CNTNAP3B: variants seen among roughly 807,000 people sequenced by gnomAD.
CNTNAP3B encodes contactin associated protein family member 3B.
Under a neutral mutation model 108.9 loss-of-function variants are expected in CNTNAP3B, and 25 were observed. That is an observed-to-expected ratio of 0.23 (90% CI 0.17 to 0.32). CNTNAP3B has a LOEUF of 0.32. CNTNAP3B is among the 10% of genes least tolerant of loss of function. CNTNAP3B has a pLI of 1.00. For missense variants in CNTNAP3B, 252 were observed against 1,210.4 expected (o/e 0.21, Z 11.75); for synonymous variants, 103 against 473.4 (o/e 0.22, Z 10.16).
In CNTNAP3B at chr9:42,110,725, T is replaced by C. The variant is rs1828178741; in HGVS notation, c.86-5986A>G. Among the ~76,000 whole-genome samples the C allele has an allele frequency of 1.5e-5, 2 of 136,748 alleles. 1 individual carries two copies. The highest frequency in any genetic ancestry group is 5.9e-5 in the African/African-American group (2 of 34,152). The allele number at this position is 136,748 out of a possible 152,430, so 89.7% of individuals were successfully genotyped here. ...TCTTCAGGCCACGTCTGGATGTTCA[T>C]CTGGATACGGCGCTATTCCATTCTT... is the stretch of plus-strand genomic sequence containing the variant. On this transcript the variant is annotated intron_variant, in intron 1 of 23. Transcript: ENST00000377561.
intron 13 of CNTNAP3B, among the ~76,000 whole-genome samples, chr9:41,945,605 G>A (rs1277327175): frequency 2.4e-3 from 357 of 151,892 alleles, no homozygotes; most frequent in East Asian, 6.4e-3. Flanking sequence ...ATCACACACC[G>A]GGGCCTGTCA....
intron 3 of CNTNAP3B, among the ~76,000 whole-genome samples, chr9:42,047,678 CCCTTCCTT>C (rs371573105): frequency 5.2e-5 from 1 of 19,278 alleles, no homozygotes; most frequent in African/African-American, 1.5e-4. Flanking sequence ...GCCCCTTCCT[CCCTTCCTT>C]CCTTCCTTCC....
intron 12 of CNTNAP3B, among the ~76,000 whole-genome samples, chr9:41,956,422 T>C (rs1247482732): frequency 6.6e-6 from 1 of 152,234 alleles, no homozygotes; most frequent in Admixed American, 6.5e-5. Context: ...GTTGTATGGG[T>C]ACTTGAAATA....
chr9:41,963,940 T>A (rs1273230909), intron 11 of CNTNAP3B, among the ~76,000 whole-genome samples: 7 of 152,012 alleles, frequency 4.6e-5, no homozygotes, highest in Middle Eastern at 3.2e-3. Flanking sequence ...AATACATTAA[T>A]ACTTTTACAA....
chr9:41,969,026 G>A (rs1238403207), intron 10 of CNTNAP3B, among the ~76,000 whole-genome samples: 1 of 152,296 alleles, frequency 6.6e-6, no homozygotes, highest in South Asian at 2.1e-4. Flanking sequence ...TCGATCTCCT[G>A]ACCTCGTGAT....
At chr9:41,929,536 T>A in intron 14 of CNTNAP3B, 92 bp from the exon 15 acceptor site, 1 of 1,463,254 alleles carries the variant, frequency 6.8e-7, no homozygotes, top group Non-Finnish European at 9.2e-7. Flanking sequence ...GAAACTAACA[T>A]CATAGAGCTT....
At chr9:41,931,834 T>C (rs1823987721) in intron 14 of CNTNAP3B, among the ~76,000 whole-genome samples, 1 of 144,078 alleles carries the variant, frequency 6.9e-6, no homozygotes, top group Non-Finnish European at 1.5e-5. Flanking sequence ...GAAAATGCAA[T>C]TTAATTATTT....
intron 13 of CNTNAP3B, among the ~76,000 whole-genome samples, chr9:41,941,206 A>T (rs1824332166): frequency 6.6e-6 from 1 of 151,074 alleles, no homozygotes; most frequent in Admixed American, 6.6e-5. Context: ...CGAGTAAGAA[A>T]ATTATAAAAA....
chr9:41,951,957 T>A (rs1379072596), intron 13 of CNTNAP3B, among the ~76,000 whole-genome samples: 1 of 152,218 alleles, frequency 6.6e-6, no homozygotes, highest in Non-Finnish European at 1.5e-5. Context: ...CCCGCCTGTA[T>A]TCTCAGCTAT....
intron 2 of CNTNAP3B, among the ~76,000 whole-genome samples, chr9:42,095,420 G>A (rs944398685): frequency 1.4e-5 from 2 of 139,146 alleles, no homozygotes; most frequent in African/African-American, 2.9e-5. Context: ...TGGGGAAAAT[G>A]TAAAACTCTT....
chr9:42,054,751 C>T (rs1190686794), intron 3 of CNTNAP3B, among the ~76,000 whole-genome samples: 5 of 151,398 alleles, frequency 3.3e-5, no homozygotes, highest in Admixed American at 6.6e-5. Context: ...TTATTTCTGT[C>T]GGGTTACATC....
chr9:41,933,850 A>G (rs1824054944), intron 14 of CNTNAP3B, among the ~76,000 whole-genome samples: 1 of 152,228 alleles, frequency 6.6e-6, no homozygotes, highest in Admixed American at 6.5e-5. Flanking sequence ...TATAGTTTCC[A>G]TCATGACAAT....
At chr9:42,037,659 G>A (rs1198952004) in intron 3 of CNTNAP3B, among the ~76,000 whole-genome samples, 1 of 73,212 alleles carries the variant, frequency 1.4e-5, no homozygotes, top group African/African-American at 5.7e-5. Flanking sequence ...TCTGATTGGT[G>A]TACCTGAAAG....
rs1827765746 is a variant in CNTNAP3B at position 42,089,137 on chromosome 9, G to A, written c.197-12075C>T. 2.4e-5 allele frequency among the ~76,000 whole-genome samples: 2 copies of A among 82,150 alleles called. 1 individual carries two copies. Among genetic ancestry groups the A allele is most frequent in the Non-Finnish European group, 4.9e-5 (2 of 40,724 alleles). 53.9% of individuals were successfully genotyped at this position (82,150 alleles called of 152,430 possible). ...GGACAAGGGTAATCCCAGCTGTTCA[G>A]GGAAAGGGAAAGGGAAAAAGGGTGA... is the stretch of plus-strand genomic sequence containing the variant. On this transcript the variant is annotated intron_variant, in intron 2 of 23. Coordinates refer to ENST00000377561, the MANE Select transcript of CNTNAP3B (RefSeq NM_001201380.3).
chr9:42,086,395 T>A (rs1234943497), intron 2 of CNTNAP3B, among the ~76,000 whole-genome samples: 3 of 131,458 alleles, frequency 2.3e-5, no homozygotes, highest in African/African-American at 9.0e-5. Context: ...TATATATATA[T>A]AAATTTTTTT....
At chr9:41,956,322 G>T (rs1306678881) in intron 12 of CNTNAP3B, among the ~76,000 whole-genome samples, 1 of 151,890 alleles carries the variant, frequency 6.6e-6, no homozygotes, top group Non-Finnish European at 1.5e-5. Context: ...GGAGGTGGAG[G>T]TTGCAGTGAG....
intron 3 of CNTNAP3B, among the ~76,000 whole-genome samples, chr9:42,035,879 G>T (rs1475108725): frequency 1.4e-5 from 2 of 143,130 alleles, no homozygotes; most frequent in Non-Finnish European, 3.0e-5. Context: ...TGCCCTGGTT[G>T]GTCTAAAACT....
intron 17 of CNTNAP3B, among the ~76,000 whole-genome samples, chr9:41,921,305 C>CA (rs1313522974): frequency 6.6e-5 from 10 of 152,248 alleles, no homozygotes; most frequent in Admixed American, 5.9e-4. Flanking sequence ...TCCTCCTTTC[C>CA]AGTAGTTTGA....
At chr9:41,961,281 CTG>C (rs1327487795) in intron 11 of CNTNAP3B, among the ~76,000 whole-genome samples, 2 of 152,416 alleles carry the variant, frequency 1.3e-5, no homozygotes, top group Admixed American at 6.5e-5. Flanking sequence ...TGTCTAGAGA[CTG>C]TACTTTCTCT....
Sources: gnomAD v4.1 joint callset for allele counts (sites outside exome capture counted in the v4.1 genomes callset) on GRCh38, gnomAD v4.1.1 for gene constraint, MANE v1.5 for transcripts, NCBI Gene and HGNC (gene_info 2026-07-23, HGNC 2026-07-21) for gene names.